The following GDAP1 variants were observed in gnomAD, a reference collection of about 807,000 sequenced individuals.
The protein encoded by GDAP1 is ganglioside-induced differentiation-associated protein 1.
Under a neutral mutation model 40.1 loss-of-function variants are expected in GDAP1, and 34 were observed. The observed-to-expected ratio is 0.85, with a 90% confidence interval of 0.64 to 1.13. The LOEUF (loss-of-function observed/expected upper bound fraction) is 1.13. GDAP1 is among the 50% of genes most tolerant of loss of function. The pLI is 0.00. For synonymous variants in GDAP1, 170 were observed against 157.4 expected (o/e 1.08, Z -0.60); for missense variants, 374 against 433.7 (o/e 0.86, Z 1.22).
At chr8:74,414,302 A>G (rs1236756764) in intron 2 of GDAP1, among the ~76,000 whole-genome samples, 1 of 150,202 alleles carries the variant, frequency 6.7e-6, no homozygotes, top group Non-Finnish European at 1.5e-5. Flanking sequence ...GGAAAATACA[A>G]TCGACAGATG....
chr8:74,444,641 C>T (rs1806206805), intron 2 of GDAP1, among the ~76,000 whole-genome samples: 1 of 151,954 alleles, frequency 6.6e-6, no homozygotes, highest in Non-Finnish European at 1.5e-5. Context: ...GAAAAGTCAG[C>T]CAAAATTGAA....
rs886346058 is a variant in GDAP1, at chr8:74,366,715, A to T, written c.*2348A>T. The T allele has an allele frequency of 2.2e-6, 1 of 452,974 alleles. No homozygotes were observed. The highest frequency in any genetic ancestry group is 4.4e-6 in the Non-Finnish European group (1 of 226,394). The allele number at this position is 452,974 out of a possible 1,614,324, so 28.1% of individuals were successfully genotyped here. ...ATGCCTTTTGAATCCATTTTCCATA[A>T]TTGCGGATAGTCATAAATTGCTTGC... On this transcript the variant is annotated 3_prime_UTR_variant, in exon 6 of 6. Transcript: ENST00000220822.
chr8:74,452,094 C>T (rs143686866), intron 2 of GDAP1, among the ~76,000 whole-genome samples: 8,055 of 80,326 alleles, frequency 0.1, 3,515 homozygotes, highest in African/African-American at 0.43. Context: ...GGACTACAGG[C>T]GCCCGCCACC....
intron 2 of GDAP1, among the ~76,000 whole-genome samples, chr8:74,428,633 ATTTTTTTTTTTTTT>A (rs1195348725): frequency 4.7e-5 from 2 of 42,846 alleles, no homozygotes; most frequent in East Asian, 1.0e-3. Context: ...CACCCGGCTA[ATTTTTTTTTTTTTT>A]TTTTTTTTTT....
chr8:74,361,168 A>G (rs1201885120), intron 3 of GDAP1, among the ~76,000 whole-genome samples: 1 of 150,314 alleles, frequency 6.7e-6, no homozygotes. Context: ...AATACCCTTT[A>G]TAGTATTTGA....
rs150257780 is a variant in GDAP1 at position 74,427,876 on chromosome 8, C to T, written c.166-60802C>T. ...CATATATTACCTTTTGCATATATTA[C>T]CTATTAATTTTTAAAAATAATTTTA... is the stretch of plus-strand genomic sequence containing the variant. On this transcript the variant is annotated intron_variant, in intron 2 of 2. Transcript: ENST00000523640. Among the ~76,000 whole-genome samples, 3 of 152,066 alleles carry T rather than the reference C, an allele frequency of 2.0e-5. No individual in the cohort carries two copies. The East Asian group carries it at 5.8e-4, about 29-fold the overall frequency.
intron 2 of GDAP1, among the ~76,000 whole-genome samples, chr8:74,461,824 T>G (rs769410078): frequency 7.2e-5 from 11 of 152,220 alleles, no homozygotes; most frequent in Non-Finnish European, 1.2e-4. Context: ...TATTTTTCAT[T>G]CCTACAAAAA....
At chr8:74,474,293 T>C (rs7464569) in intron 2 of GDAP1, among the ~76,000 whole-genome samples, 49,800 of 151,918 alleles carry the variant, frequency 0.33, 9,396 homozygotes, top group Non-Finnish European at 0.41. Flanking sequence ...TTTCTTTCTC[T>C]TGTCTGATTG....
chr8:74,427,495 T>C (rs1371100165), intron 2 of GDAP1, among the ~76,000 whole-genome samples: 1 of 152,194 alleles, frequency 6.6e-6, no homozygotes, highest in Non-Finnish European at 1.5e-5. Context: ...AGTATTAGTT[T>C]TCCTTGGGCA....
At chr8:74,428,912 T>C (rs1805990515) in intron 2 of GDAP1, among the ~76,000 whole-genome samples, 1 of 133,596 alleles carries the variant, frequency 7.5e-6, no homozygotes, top group Non-Finnish European at 1.6e-5. Context: ...CCCCTTCCTG[T>C]GTCCAAGTGT....
rs536830522 is a variant in GDAP1, at chr8:74,417,234, A to G, written c.165+65913A>G. ...CATGATAAAAACTCTCAGCTTACAT[A>G]GAAGAAAATTTCCTCGACTTGATAA... is the stretch of plus-strand genomic sequence containing the variant. On this transcript the variant is annotated intron_variant, in intron 2 of 2. Coordinates refer to the GDAP1 transcript ENST00000523640. 1.9e-4 allele frequency among the ~76,000 whole-genome samples: 29 copies of G among 150,132 alleles called. 1 individual carries two copies. Among genetic ancestry groups the G allele is most frequent in the Non-Finnish European group, 3.5e-4 (24 of 68,034 alleles).
chr8:74,391,026 C>T (rs1405639981), intron 2 of GDAP1, among the ~76,000 whole-genome samples: 1 of 152,132 alleles, frequency 6.6e-6, no homozygotes, highest in African/African-American at 2.4e-5. Flanking sequence ...GGCGGACACC[C>T]CTCGCCCCAC....
chr8:74,365,753 T>C lies in GDAP1; in HGVS notation c.*1386T>C, dbSNP rs760236327. On this transcript the variant is annotated 3_prime_UTR_variant, in exon 6 of 6. Coordinates refer to ENST00000220822, the MANE Select transcript of GDAP1 (RefSeq NM_018972.4). ...AATTCCATTTCATGACCTAGTTGTA[T>C]TAGAAAACCTTGATGAACTATATGT... is the stretch of plus-strand genomic sequence containing the variant. 4.4e-6 allele frequency: 2 copies of C among 454,522 alleles called. No homozygotes were observed. Among genetic ancestry groups the C allele is most frequent in the South Asian group, 3.1e-5 (2 of 64,474 alleles). The allele number at this position is 454,522 out of a possible 1,614,324, so 28.2% of individuals were successfully genotyped here.
At chr8:74,444,243 C>T (rs1168143058) in intron 2 of GDAP1, among the ~76,000 whole-genome samples, 2 of 140,640 alleles carry the variant, frequency 1.4e-5, no homozygotes, top group East Asian at 2.1e-4. Flanking sequence ...CACACACACA[C>T]ACACACACTT....
intron 2 of GDAP1, among the ~76,000 whole-genome samples, chr8:74,473,553 G>T (rs955317599): frequency 3.3e-5 from 5 of 152,148 alleles, no homozygotes; most frequent in Admixed American, 6.5e-5. Flanking sequence ...TGAATAGGGA[G>T]TCCTTTCCTC....
intron 2 of GDAP1, among the ~76,000 whole-genome samples, chr8:74,377,382 G>T (rs976358064): frequency 1.3e-5 from 2 of 152,090 alleles, no homozygotes; most frequent in Non-Finnish European, 2.9e-5. Context: ...ATGGGCAAAA[G>T]CTTGAATAGA....
At chr8:74,429,821 G>A (rs1390547925) in intron 2 of GDAP1, among the ~76,000 whole-genome samples, 2 of 152,006 alleles carry the variant, frequency 1.3e-5, no homozygotes, top group Admixed American at 6.5e-5. Flanking sequence ...TGTATGTACA[G>A]TCAATAAAGG....
chr8:74,403,552 C>T (rs2131550431), intron 2 of GDAP1, among the ~76,000 whole-genome samples: 1 of 150,330 alleles, frequency 6.7e-6, no homozygotes, highest in African/African-American at 2.5e-5. Context: ...ATAAGTTTTA[C>T]ACACTTAACG....
chr8:74,454,832 C>A (rs1384429781), intron 2 of GDAP1, among the ~76,000 whole-genome samples: 2 of 151,098 alleles, frequency 1.3e-5, no homozygotes, highest in Non-Finnish European at 3.0e-5. Context: ...ATTCTTTTGC[C>A]TCTTTAAAAG....
Sources: allele counts gnomAD v4.1 joint callset (sites outside exome capture counted in the v4.1 genomes callset), GRCh38; gene constraint gnomAD v4.1.1; transcripts MANE v1.5; gene names NCBI Gene and HGNC (gene_info 2026-07-23, HGNC 2026-07-21).